The following ROPN1 variants were observed in gnomAD, a reference collection of about 807,000 sequenced individuals.
ROPN1 encodes the protein ropporin-1A.
ROPN1 carries 14 observed loss-of-function variants against 20.5 expected under a neutral mutation model. The ratio of observed to expected loss-of-function variants is 0.68; its 90% CI spans 0.45 to 1.07. The LOEUF is 1.07. Ranked by LOEUF, ROPN1 falls within the 50% of genes least tolerant of loss-of-function variation. The pLI is 0.00. For synonymous variants in ROPN1, 76 were observed against 95.7 expected (o/e 0.79, Z 1.20); for missense variants, 169 against 242.8 (o/e 0.70, Z 2.02).
At chr3:123,974,918 C>CT (rs1361055844) in intron 4 of ROPN1, 38 of 181,844 alleles carry the variant, frequency 2.1e-4, no homozygotes, top group South Asian at 7.8e-4. Context: ...CCTCATCTCT[C>CT]TTTTTTTTTG....
chr3:123,981,902 AC>A (rs201637972), intron 1 of ROPN1, among the ~76,000 whole-genome samples: 2,197 of 152,318 alleles, frequency 0.014, 34 homozygotes, highest in African/African-American at 0.05. Context: ...AAAAACACAA[AC>A]AAGCAAACAA....
At chr3:123,976,649 C>G (rs1400073011) in intron 3 of ROPN1, among the ~76,000 whole-genome samples, 1 of 152,214 alleles carries the variant, frequency 6.6e-6, no homozygotes, top group Non-Finnish European at 1.5e-5. Flanking sequence ...TCAAGGAAAT[C>G]TGGGATGACC....
chr3:123,982,581 T>C, intron 1 of ROPN1, among the ~76,000 whole-genome samples: 1 of 152,308 alleles, frequency 6.6e-6, no homozygotes, highest in South Asian at 2.1e-4. Flanking sequence ...ATCATGTATT[T>C]AATTTTGTCA....
At chr3:123,977,981 C>T (rs2038058665) in intron 2 of ROPN1, among the ~76,000 whole-genome samples, 1 of 152,198 alleles carries the variant, frequency 6.6e-6, no homozygotes, top group Admixed American at 6.5e-5. Context: ...ATTGACGATC[C>T]ATGAACCACA....
intron 1 of ROPN1, among the ~76,000 whole-genome samples, chr3:123,990,271 AAGG>A (rs1173300272): frequency 6.6e-6 from 1 of 152,194 alleles, no homozygotes. Context: ...GTAACTACTG[AAGG>A]AGGAGGAGGA....
rs532182825 is a variant in ROPN1, at chr3:123,970,090, A to C, written c.524T>G (p.Ile175Ser). ...CATCCTGCTGACATGTGATGCAGAG[A>C]TCTCCCCATCCACTTTGGCAATATA... is the stretch of plus-strand genomic sequence containing the variant. ...YTYIAKVDGE[I>S]SASHVSRMLN... The change falls in exon 5 of 6, where the codon ATC becomes AGC. Residue 175 changes from isoleucine to serine, a missense_variant. Ile to Ser is a moderately radical substitution (Grantham distance 142). Transcript: ENST00000405845. 16 of 1,614,168 alleles carry C rather than the reference A, an allele frequency of 9.9e-6. No individual in the cohort carries two copies. The East Asian group carries it at 3.1e-4, about 31-fold the overall frequency.
chr3:123,980,268 G>C, intron 2 of ROPN1, 98 bp downstream of exon 2: 3 of 1,092,742 alleles, frequency 2.7e-6, no homozygotes, highest in Non-Finnish European at 4.2e-6. Context: ...CAGTTAGTCC[G>C]GACTTCCTAG....
At chr3:123,988,022 T>C (rs1227270444) in intron 1 of ROPN1, among the ~76,000 whole-genome samples, 2 of 152,230 alleles carry the variant, frequency 1.3e-5, no homozygotes, top group African/African-American at 4.8e-5. Context: ...CATGGTTCCC[T>C]GATTTGGGGA....
intron 1 of ROPN1, among the ~76,000 whole-genome samples, chr3:123,989,462 C>A (rs182212856): frequency 2.0e-5 from 3 of 152,158 alleles, no homozygotes; most frequent in African/African-American, 2.4e-5. Flanking sequence ...TGTCAGCTGT[C>A]ATAAGGATAT....
chr3:123,979,631 G>T (rs1195255945), intron 2 of ROPN1: 1 of 362,432 alleles, frequency 2.8e-6, no homozygotes, highest in Non-Finnish European at 5.4e-6. Flanking sequence ...GCAGCCTCTG[G>T]AGGTCTCTCC....
chr3:123,980,446 C>T lies in ROPN1; in HGVS notation c.36G>A (p.Pro12=). 1.2e-6 allele frequency: 2 copies of T among 1,614,132 alleles called. No homozygotes were observed. Among genetic ancestry groups the T allele is most frequent in the South Asian group, 1.1e-5 (1 of 91,086 alleles). The change falls in exon 2 of 6, where the codon CCG becomes CCA. Residue 12 remains proline (P), a synonymous_variant. Transcript: ENST00000405845. ...AQTDKPTCIP[P]ELPKMLKEFA... ...ACTCCTTCAGCATCTTCGGCAGCTC[C>T]GGCGGGATGCATGTTGGCTTATCTG...
At chr3:123,988,533 T>A (rs77791265) in intron 1 of ROPN1, among the ~76,000 whole-genome samples, 3,004 of 152,222 alleles carry the variant, frequency 0.02, 90 homozygotes, top group African/African-American at 0.066. Flanking sequence ...CCATTACCAT[T>A]CCTGATGATA....
chr3:123,972,864 T>A (rs1166840790), intron 4 of ROPN1, among the ~76,000 whole-genome samples: 1 of 152,228 alleles, frequency 6.6e-6, no homozygotes, highest in Non-Finnish European at 1.5e-5. Context: ...GTCTCAGCTA[T>A]AATAAAATAC....
At chr3:123,984,922 G>C (rs2038221216) in intron 1 of ROPN1, among the ~76,000 whole-genome samples, 1 of 151,924 alleles carries the variant, frequency 6.6e-6, no homozygotes. Flanking sequence ...TTTTCATACT[G>C]TGCCATAGGC....
intron 4 of ROPN1, chr3:123,975,098 A>G: frequency 2.1e-6 from 1 of 476,956 alleles, no homozygotes; most frequent in Non-Finnish European, 3.9e-6. Flanking sequence ...AGCGGAGTGA[A>G]AATAAATCTG....
At chr3:123,976,076 T>C (rs1577365474) in intron 3 of ROPN1, among the ~76,000 whole-genome samples, 1 of 152,206 alleles carries the variant, frequency 6.6e-6, no homozygotes, top group East Asian at 1.9e-4. Context: ...TAATGTTGCT[T>C]GATCCCAGGT....
intron 4 of ROPN1, among the ~76,000 whole-genome samples, chr3:123,971,508 C>T (rs552423025): frequency 5.6e-4 from 85 of 152,274 alleles, no homozygotes; most frequent in African/African-American, 7.5e-4. Context: ...CTCTCCTCTG[C>T]CCCTGGGGGT....
At chr3:123,985,992 C>CAAAAAAAAAAAAAAAAAAAAAAAA (rs35677015) in intron 1 of ROPN1, among the ~76,000 whole-genome samples, 4 of 22,138 alleles carry the variant, frequency 1.8e-4, no homozygotes, top group African/African-American at 3.6e-4. Context: ...GACCTTGTCT[C>CAAAAAAAAAAAAAAAAAAAAAAAA]AAAAAAAAAA....
chr3:123,980,076 G>C, intron 2 of ROPN1: 1 of 523,920 alleles, frequency 1.9e-6, no homozygotes, highest in South Asian at 3.3e-5. Context: ...GTGTGCATAC[G>C]CTGGTGTGAC....
Sources: gnomAD v4.1 joint callset for allele counts (sites outside exome capture counted in the v4.1 genomes callset) on GRCh38, gnomAD v4.1.1 for gene constraint, MANE v1.5 for transcripts, NCBI Gene and HGNC (gene_info 2026-07-23, HGNC 2026-07-21) for gene names.